RBFOX1: variants seen among roughly 807,000 people sequenced by gnomAD.
RBFOX1 encodes RNA binding protein fox-1 homolog 1.
In RBFOX1, 8 loss-of-function variants were observed where a neutral mutation model predicts 57.7. That is an observed-to-expected ratio of 0.14 (90% CI 0.08 to 0.25). The LOEUF (loss-of-function observed/expected upper bound fraction) is 0.25. Among genes scored for constraint, RBFOX1 ranks in the 10% least tolerant of loss-of-function variants. The pLI is 1.00. For missense variants in RBFOX1, 611 were observed against 548.5 expected, an observed-to-expected ratio of 1.11 and a Z score of -1.14; for synonymous variants, 326 against 222.4, an observed-to-expected ratio of 1.47 and a Z score of -4.15.
chr16:6,769,757 G>A (rs559805965), intron 3 of RBFOX1, among the ~76,000 whole-genome samples: 2 of 152,250 alleles, frequency 1.3e-5, no homozygotes, highest in South Asian at 4.1e-4. Flanking sequence ...TCTAACAAAG[G>A]CATGAGATGT....
intron 5 of RBFOX1, among the ~76,000 whole-genome samples, chr16:7,519,176 T>G (rs2077012811): frequency 6.6e-6 from 1 of 152,212 alleles, no homozygotes; most frequent in South Asian, 2.1e-4. Flanking sequence ...TCCATCAGCC[T>G]AAATACAAAT....
chr16:7,199,833 T>G (rs953808641), intron 4 of RBFOX1, among the ~76,000 whole-genome samples: 1 of 152,092 alleles, frequency 6.6e-6, no homozygotes, highest in African/African-American at 2.4e-5. Context: ...AGGTGGAGGT[T>G]GTAGTGAGCT....
At chr16:7,532,674 C>T (rs2080415071) in intron 5 of RBFOX1, among the ~76,000 whole-genome samples, 1 of 152,208 alleles carries the variant, frequency 6.6e-6, no homozygotes, top group African/African-American at 2.4e-5. Context: ...AGTTGGCAAA[C>T]TGTAGCTCGT....
chr16:5,333,995 T>G (rs1468150613), intron 1 of RBFOX1, among the ~76,000 whole-genome samples: 2 of 152,178 alleles, frequency 1.3e-5, no homozygotes, highest in African/African-American at 4.8e-5. Flanking sequence ...AAAAAGTGGC[T>G]CAACAAGTCA....
intron 3 of RBFOX1, among the ~76,000 whole-genome samples, chr16:6,843,388 T>A (rs961434251): frequency 6.6e-6 from 1 of 152,070 alleles, no homozygotes; most frequent in African/African-American, 2.4e-5. Context: ...CCAATCTTAT[T>A]TTCAGTTAAT....
At chr16:5,821,137 GCT>G (rs1362511392) in intron 3 of RBFOX1, among the ~76,000 whole-genome samples, 1 of 152,078 alleles carries the variant, frequency 6.6e-6, no homozygotes, top group Non-Finnish European at 1.5e-5. Flanking sequence ...CAGGACAAAG[GCT>G]CTCTGCTGCA....
intron 3 of RBFOX1, among the ~76,000 whole-genome samples, chr16:5,615,911 T>A (rs2048006537): frequency 6.6e-6 from 1 of 152,132 alleles, no homozygotes; most frequent in African/African-American, 2.4e-5. Context: ...TTAAAACGGG[T>A]CACAGTGGAG....
intron 2 of RBFOX1, among the ~76,000 whole-genome samples, chr16:6,487,150 G>GTGTGTGTGTC (rs1555498846): frequency 0.011 from 910 of 84,818 alleles, 7 homozygotes; most frequent in African/African-American, 0.026. Flanking sequence ...GTTTCTGTGT[G>GTGTGTGTGTC]TGTGTGTGTG....
At chr16:6,366,455 G>A in intron 2 of RBFOX1, among the ~76,000 whole-genome samples, 1 of 152,114 alleles carries the variant, frequency 6.6e-6, no homozygotes. Flanking sequence ...ATGAGACAAT[G>A]TTGAACAACC....
intron 3 of RBFOX1, among the ~76,000 whole-genome samples, chr16:5,725,802 G>T (rs1368829135): frequency 6.6e-6 from 1 of 151,914 alleles, no homozygotes; most frequent in East Asian, 2.0e-4. Context: ...TCCCCACTCA[G>T]GGCTGTTCTA....
chr16:6,271,034 C>G (rs2075148173), intron 1 of RBFOX1, among the ~76,000 whole-genome samples: 1 of 152,136 alleles, frequency 6.6e-6, no homozygotes, highest in South Asian at 2.1e-4. Context: ...TGGGACACAG[C>G]TAAAGTAATA....
chr16:6,712,211 T>C (rs1217755756), intron 3 of RBFOX1, among the ~76,000 whole-genome samples: 1 of 152,192 alleles, frequency 6.6e-6, no homozygotes, highest in East Asian at 1.9e-4. Flanking sequence ...GTTTCAGCTA[T>C]GGTCAGCAAG....
chr16:6,609,851 T>C (rs895693851), intron 2 of RBFOX1, among the ~76,000 whole-genome samples: 3 of 151,772 alleles, frequency 2.0e-5, no homozygotes, highest in African/African-American at 4.8e-5. Flanking sequence ...TTAGTAAATA[T>C]ATGAAAAATA....
chr16:6,246,180 CA>C (rs1474001998), intron 1 of RBFOX1, among the ~76,000 whole-genome samples: 3 of 152,166 alleles, frequency 2.0e-5, no homozygotes, highest in Non-Finnish European at 4.4e-5. Flanking sequence ...GAATCAAATG[CA>C]TGACTCGTGA....
chr16:7,417,655 A>C (rs960744031), intron 4 of RBFOX1, among the ~76,000 whole-genome samples: 20 of 151,498 alleles, frequency 1.3e-4, no homozygotes, highest in Admixed American at 3.3e-4. Flanking sequence ...CCTAGGCTCT[A>C]CTCTTTCGTC....
chr16:7,359,950 C>G lies in RBFOX1; in HGVS notation c.28-158197C>G, dbSNP rs140472930. Among the ~76,000 whole-genome samples, 71 of 151,376 alleles carry G rather than the reference C, an allele frequency of 4.7e-4. 1 individual carries two copies. In the East Asian group the frequency reaches 0.013, roughly 28 times the overall value. ...AGTGAGCCGAGATCGCGCCACTGCA[C>G]TCCAGCCTGGGTGACAGAGCGAGAC... is the stretch of plus-strand genomic sequence containing the variant. On this transcript the variant is annotated intron_variant, in intron 4 of 15. Transcript: ENST00000550418.
At chr16:7,120,830 T>TACACAC (rs397836603) in intron 4 of RBFOX1, among the ~76,000 whole-genome samples, 1,625 of 86,546 alleles carry the variant, frequency 0.019, 30 homozygotes, top group South Asian at 0.057. Flanking sequence ...TATGTATATA[T>TACACAC]ACACACACAC....
chr16:6,677,457 C>G (rs886170821), intron 3 of RBFOX1, among the ~76,000 whole-genome samples: 3 of 152,108 alleles, frequency 2.0e-5, no homozygotes, highest in African/African-American at 4.8e-5. Context: ...AAAAGGCTAC[C>G]TACATCAAAA....
Position 7,587,405 on chromosome 16 carries a change from C to T in RBFOX1, c.468+105C>T, listed in dbSNP as rs546268216. On this transcript the variant is annotated intron_variant, in intron 7 of 15. Transcript: ENST00000550418. ...TCTTAATCAGCTCATTGTGAAAATA[C>T]ACTTCAGTGGGAATTCCTTTAGAGA... 2.3e-3 allele frequency: 2,724 copies of T among 1,193,282 alleles called. 4 individuals are homozygous for T. The highest frequency in any genetic ancestry group is 2.7e-3 in the Non-Finnish European group (2,449 of 918,218). The allele number at this position is 1,193,282 out of a possible 1,614,324, so 73.9% of individuals were successfully genotyped here.
Sources: gnomAD v4.1 joint callset for allele counts (sites outside exome capture counted in the v4.1 genomes callset) on GRCh38, gnomAD v4.1.1 for gene constraint, MANE v1.5 for transcripts, NCBI Gene and HGNC (gene_info 2026-07-23, HGNC 2026-07-21) for gene names.